Variants in SPINDOC observed in about 807,000 individuals in gnomAD.
SPINDOC encodes the protein spindlin interactor and repressor of chromatin binding.
In SPINDOC, 13 loss-of-function variants were observed where a neutral mutation model predicts 30.7. The observed-to-expected ratio is 0.42, with a 90% confidence interval of 0.28 to 0.67. The LOEUF (loss-of-function observed/expected upper bound fraction) is 0.67, where lower values mean the gene tolerates loss of function less well. Among genes scored for constraint, SPINDOC ranks in the 30% least tolerant of loss-of-function variants. The pLI is 0.22. For synonymous variants in SPINDOC, 228 were observed against 211.4 expected (o/e 1.08, Z -0.68); for missense variants, 438 against 518.0 (o/e 0.85, Z 1.50).
In SPINDOC at chr11:63,813,528, C is replaced by T. The variant is rs1463643009; in HGVS notation, c.-159C>T. ...GAGGCCCGGACGCGCCGGTCGCAGGCCCGGCCGGCGAGCGGCGGGCGGGCG... is the reference window on the plus strand; with the variant it reads ...GAGGCCCGGACGCGCCGGTCGCAGGTCCGGCCGGCGAGCGGCGGGCGGGCG... On this transcript the variant is annotated 5_prime_UTR_variant, in exon 1 of 6. Transcript: ENST00000294244. 1.9e-6 allele frequency: 1 copy of T among 525,404 alleles called. No individual in the cohort carries two copies. The highest frequency in any genetic ancestry group is 2.4e-6 in the Non-Finnish European group (1 of 412,186). The allele number at this position is 525,404 out of a possible 1,614,324, so 32.5% of individuals were successfully genotyped here. A position where few individuals can be genotyped will look rare whatever the true frequency, so the allele number is the denominator to read the frequency against.
intron 5 of SPINDOC, chr11:63,823,366 A>T: frequency 1.7e-6 from 2 of 1,179,024 alleles, no homozygotes; most frequent in Non-Finnish European, 2.1e-6. Flanking sequence ...GCCACTTTAA[A>T]AAAAATTAGA....
At chr11:63,819,471 A>C (rs966607906) in intron 5 of SPINDOC, among the ~76,000 whole-genome samples, 1 of 151,220 alleles carries the variant, frequency 6.6e-6, no homozygotes, top group Non-Finnish European at 1.5e-5. Context: ...TTGGCCTCGC[A>C]AAGTACACCA....
Position 63,818,331 on chromosome 11 carries a change from C to A in SPINDOC, c.573C>A (p.Ser191Arg), listed in dbSNP as rs562157370. The A allele has an allele frequency of 1.2e-5, 20 of 1,613,894 alleles. No homozygotes were observed. The highest frequency in any genetic ancestry group is 1.7e-5 in the Non-Finnish European group (20 of 1,180,014). ...SEDNPSLPKRSRPRGLRPLEL... is the reference protein window; with the variant it reads ...SEDNPSLPKRRRPRGLRPLEL... ...ATAACCCATCCCTCCCTAAAAGGAG[C>A]CGGCCCAGGGGACTCCGCCCCCTCG... The change falls in exon 3 of 6, where the codon AGC becomes AGA. Residue 191 changes from serine to arginine, a missense_variant. This residue lies in a region of SPINDOC where 300 missense variants were observed against 332.8 expected (regional missense o/e 0.90). Coordinates refer to ENST00000294244, the MANE Select transcript of SPINDOC (RefSeq NM_138471.3). This position sits in a 1 kb window ranked among gnomAD's most constrained non-coding sequence, Gnocchi z 5.3.
At chr11:63,814,386 G>A (rs929374468) in intron 1 of SPINDOC, among the ~76,000 whole-genome samples, 18 of 152,162 alleles carry the variant, frequency 1.2e-4, no homozygotes, top group Non-Finnish European at 2.2e-4. Context: ...GTTCTGGAGA[G>A]AAGGGATGAA....
intron 5 of SPINDOC, chr11:63,822,444 A>G (rs995498083): frequency 2.9e-5 from 13 of 443,316 alleles, no homozygotes; most frequent in Non-Finnish European, 5.1e-5. Flanking sequence ...ACCCCTCACA[A>G]AGTTTTTCTT....
At chr11:63,825,380 C>T (rs562269787) in intron 5 of SPINDOC, among the ~76,000 whole-genome samples, 4 of 152,284 alleles carry the variant, frequency 2.6e-5, no homozygotes, top group African/African-American at 4.8e-5. Flanking sequence ...GCCTCACTGG[C>T]TCCTCACTCC....
intron 5 of SPINDOC, among the ~76,000 whole-genome samples, chr11:63,819,344 G>A (rs111811630): frequency 0.054 from 8,291 of 152,148 alleles, 781 homozygotes; most frequent in African/African-American, 0.19. Context: ...CCTAGTAGCT[G>A]GGATTACAGG....
At chr11:63,822,169 T>C (rs1045475784) in intron 5 of SPINDOC, among the ~76,000 whole-genome samples, 2 of 151,764 alleles carry the variant, frequency 1.3e-5, no homozygotes, top group African/African-American at 4.8e-5. Context: ...ATAAGGAGAC[T>C]CCATCTCTAG....
chr11:63,825,487 C>T (rs1261263465), intron 5 of SPINDOC, among the ~76,000 whole-genome samples: 3 of 152,196 alleles, frequency 2.0e-5, no homozygotes, highest in South Asian at 2.1e-4. Context: ...CCATATATAA[C>T]ATACTGCATT....
intron 5 of SPINDOC, among the ~76,000 whole-genome samples, chr11:63,821,177 A>C (rs1420862298): frequency 6.6e-6 from 1 of 152,136 alleles, no homozygotes; most frequent in Non-Finnish European, 1.5e-5. Context: ...TCTAGGGGAA[A>C]ATCTATTTTC....
Position 63,818,829 on chromosome 11 carries a change from A to C in SPINDOC, c.761A>C (p.Glu254Ala). ...CCCCCATCGCCAGACTCGCCCACGGAGACTTTCGCAGCACCAGCCGAGGTC... is the reference window on the plus strand; with the variant it reads ...CCCCCATCGCCAGACTCGCCCACGGCGACTTTCGCAGCACCAGCCGAGGTC... ...PEPPSPDSPT[E>A]TFAAPAEVRH... is the part of the protein sequence containing the mutation. The change falls in exon 5 of 6, where the codon GAG becomes GCG. Residue 254 changes from glutamate (E) to alanine (A), a missense_variant. Around this residue, in one of 3 missense-constraint regions of SPINDOC, gnomAD observed 300 missense variants for 332.8 expected, o/e 0.90. Coordinates refer to ENST00000294244, the MANE Select transcript of SPINDOC (RefSeq NM_138471.3). The surrounding 1 kb of genome is among the most constrained non-coding windows in gnomAD (Gnocchi z 5.3). 6.2e-7 allele frequency: 1 copy of C among 1,613,894 alleles called. No individual in the cohort carries two copies. Among genetic ancestry groups the C allele is most frequent in the Non-Finnish European group, 8.5e-7 (1 of 1,180,026 alleles).
At position 63,819,599 on chromosome 11, in the gene SPINDOC, C is replaced by T. The variant is rs562439666; in HGVS notation, c.934+597C>T. ...GCATCCTCTGCTTCCCAGGTTCAAG[C>T]GATTCTCCTGCCTCACCCTCCTGAG... On this transcript the variant is annotated intron_variant, in intron 5 of 5. Coordinates refer to ENST00000294244, the MANE Select transcript of SPINDOC (RefSeq NM_138471.3). 1.1e-3 allele frequency among the ~76,000 whole-genome samples: 174 copies of T among 151,998 alleles called. No homozygotes were observed. The Middle Eastern group carries it at 0.017, about 15-fold the overall frequency.
In SPINDOC at chr11:63,827,172, G is replaced by T; in HGVS notation, c.*33G>T. The stretch of plus-strand genomic sequence containing the variant: ...CTTTCCTGGGGAGGGAGGGAGGGAT[G>T]AGGCAGCGTCCCCCAGTGGCTTATA... On this transcript the variant is annotated 3_prime_UTR_variant, in exon 6 of 6. Coordinates refer to ENST00000294244, the MANE Select transcript of SPINDOC (RefSeq NM_138471.3). The T allele has an allele frequency of 6.2e-7, 1 of 1,606,154 alleles. No homozygotes were observed. The highest frequency in any genetic ancestry group is 1.3e-5 in the African/African-American group (1 of 74,928).
intron 5 of SPINDOC, among the ~76,000 whole-genome samples, chr11:63,819,778 T>TGAGCCACCGCACCTGACCAGGTGG (rs1343960952): frequency 6.6e-6 from 1 of 152,246 alleles, no homozygotes; most frequent in Non-Finnish European, 1.5e-5. Context: ...ATTACAGGCG[T>TGAGCCACCGCACCTGACCAGGTGG]GAGCCACCGC....
At chr11:63,825,622 C>T (rs746174165) in intron 5 of SPINDOC, among the ~76,000 whole-genome samples, 2 of 152,140 alleles carry the variant, frequency 1.3e-5, no homozygotes, top group African/African-American at 4.8e-5. Context: ...ATATAGTACT[C>T]AATAAATTAT....
Position 63,818,814 on chromosome 11 carries a change from C to T in SPINDOC, c.746C>T (p.Pro249Leu), listed in dbSNP as rs2015424391. Residue 249 changes from proline (P) to leucine (L), a missense_variant, in exon 5 of 6, where the codon CCA becomes CTA. Physicochemically the swap from Pro to Leu is moderately conservative, Grantham distance 98. Around this residue, in one of 3 missense-constraint regions of SPINDOC, gnomAD observed 300 missense variants for 332.8 expected, o/e 0.90. Coordinates refer to ENST00000294244, the MANE Select transcript of SPINDOC (RefSeq NM_138471.3). The surrounding 1 kb of genome is among the most constrained non-coding windows in gnomAD (Gnocchi z 5.3). Reference protein sequence around the residue: ...NLDPDPEPPSPDSPTETFAAP... With the variant: ...NLDPDPEPPSLDSPTETFAAP... ...TCCTCCCTTCCAGAGCCCCCATCGCCAGACTCGCCCACGGAGACTTTCGCA... is the reference window on the plus strand; with the variant it reads ...TCCTCCCTTCCAGAGCCCCCATCGCTAGACTCGCCCACGGAGACTTTCGCA... The T allele has an allele frequency of 6.2e-7, 1 of 1,613,862 alleles. No homozygotes were observed.
Position 63,817,944 on chromosome 11 carries a change from A to G in SPINDOC, c.267A>G (p.Ala89=). 1 of 1,614,070 alleles carries G rather than the reference A, an allele frequency of 6.2e-7. No homozygotes were observed. The highest frequency in any genetic ancestry group is 8.5e-7 in the Non-Finnish European group (1 of 1,180,026). Residue 89 remains alanine, a synonymous_variant, in exon 2 of 6, where the codon GCA becomes GCG. Transcript: ENST00000294244. The stretch of plus-strand genomic sequence containing the variant: ...GCAGCCCAGGAGGCAGCGGGCGGGC[A>G]CTGTGCATGGTGTGTGGCGCTGAGA... ...VGSSPGGSGR[A]LCMVCGAEIR...
intron 1 of SPINDOC, among the ~76,000 whole-genome samples, chr11:63,815,285 G>C (rs2015309131): frequency 6.6e-6 from 1 of 152,250 alleles, no homozygotes; most frequent in Non-Finnish European, 1.5e-5. Context: ...AGGCCGAATA[G>C]CAAGTGCAAA....
intron 1 of SPINDOC, 66 bp downstream of exon 1, chr11:63,813,879 C>T (rs571105327): frequency 2.8e-6 from 4 of 1,417,714 alleles, no homozygotes; most frequent in East Asian, 2.8e-5. Context: ...CGTCCCTCCC[C>T]AGTCGGGGTC....
Sources: gnomAD v4.1 joint callset for allele counts (sites outside exome capture counted in the v4.1 genomes callset) on GRCh38, gnomAD v4.1.1 for gene constraint, gnomAD v4.1.1 regional missense constraint, Gnocchi (gnomAD v3.1) non-coding constraint, MANE v1.5 for transcripts, NCBI Gene and HGNC (gene_info 2026-07-23, HGNC 2026-07-21) for gene names.